The following TACC2 variants were observed in gnomAD, a reference collection of about 807,000 sequenced individuals.
The protein encoded by TACC2 is transforming acidic coiled-coil containing protein 2.
Under a neutral mutation model 227.3 loss-of-function variants are expected in TACC2, and 137 were observed. The ratio of observed to expected loss-of-function variants is 0.60; its 90% confidence interval spans 0.52 to 0.69. TACC2 has a LOEUF of 0.69. Ranked by LOEUF, TACC2 falls within the 30% of genes least tolerant of loss-of-function variation. The probability of loss-of-function intolerance (pLI) is 0.00; values close to 1 mark genes in which losing one functional copy is unlikely to be tolerated. For missense variants in TACC2, 3,470 were observed against 3,694.4 expected (o/e 0.94, Z 1.57); for synonymous variants, 1,523 against 1,487.5 (o/e 1.02, Z -0.55).
intron 5 of TACC2, among the ~76,000 whole-genome samples, chr10:122,113,515 A>G (rs1484417661): frequency 2.0e-5 from 3 of 152,016 alleles, no homozygotes; most frequent in Non-Finnish European, 2.9e-5. Context: ...GGCGCGCGCC[A>G]GTGGCTGGGA....
rs750135495 is a variant in TACC2 at position 122,085,719 on chromosome 10, C to T, written c.3219C>T (p.Thr1073=). The T allele has an allele frequency of 3.1e-6, 5 of 1,613,836 alleles. No homozygotes were observed. Among genetic ancestry groups the T allele is most frequent in the Non-Finnish European group, 4.2e-6 (5 of 1,180,008 alleles). The change falls in exon 4 of 23, where the codon ACC becomes ACT. Residue 1073 remains threonine, a synonymous_variant. Transcript: ENST00000369005. The part of the protein sequence containing the change: ...LAPASPGVTP[T]QDAPETEACD... ...CCGCCAGCCCCGGAGTCACACCCAC[C>T]CAGGATGCCCCAGAGACAGAGGCAT...
chr10:122,218,337 T>C (rs1052961293), intron 11 of TACC2, among the ~76,000 whole-genome samples: 1 of 152,176 alleles, frequency 6.6e-6, no homozygotes, highest in Non-Finnish European at 1.5e-5. Flanking sequence ...AATAAGAGAC[T>C]AAGATCTCCT....
intron 7 of TACC2, among the ~76,000 whole-genome samples, chr10:122,175,654 C>T (rs1207665987): frequency 6.6e-6 from 1 of 152,148 alleles, no homozygotes; most frequent in Non-Finnish European, 1.5e-5. Flanking sequence ...GGAAAGGAAC[C>T]GAAGGTGTAG....
At chr10:122,077,703 C>G (rs2078971214) in intron 3 of TACC2, among the ~76,000 whole-genome samples, 1 of 152,224 alleles carries the variant, frequency 6.6e-6, no homozygotes, top group Non-Finnish European at 1.5e-5. Context: ...GGGAATGCTG[C>G]ACTTGTTCGG....
In TACC2 at chr10:122,025,854, G is replaced by A. The variant is rs368240710; in HGVS notation, c.33+3840G>A. On this transcript the variant is annotated intron_variant, in intron 2 of 22. Coordinates refer to ENST00000369005, the MANE Select transcript of TACC2 (RefSeq NM_206862.4). ...TGCCCAAAGTGCTGGGATTACAGGCGTAAGCCACTGCACCCCGGCCTATTA... is the reference window on the plus strand; with the variant it reads ...TGCCCAAAGTGCTGGGATTACAGGCATAAGCCACTGCACCCCGGCCTATTA... Among the ~76,000 whole-genome samples the A allele has an allele frequency of 6.7e-5, 10 of 148,736 alleles. No homozygotes were observed. The South Asian group carries it at 1.7e-3, about 26-fold the overall frequency.
intron 7 of TACC2, among the ~76,000 whole-genome samples, chr10:122,189,505 G>A (rs2094335151): frequency 6.6e-6 from 1 of 152,114 alleles, no homozygotes; most frequent in African/African-American, 2.4e-5. Context: ...AAAAAGAGGT[G>A]GGAGGAGGAG....
intron 1 of TACC2, among the ~76,000 whole-genome samples, chr10:122,017,742 T>C (rs1956838482): frequency 7.2e-6 from 1 of 138,808 alleles, no homozygotes; most frequent in African/African-American, 2.8e-5. Context: ...GCTTGAACCC[T>C]AGAGGCAGAG....
chr10:122,237,374 T>G, intron 16 of TACC2, 21 bp from the exon 17 acceptor site: 1 of 1,589,518 alleles, frequency 6.3e-7, no homozygotes, highest in Non-Finnish European at 8.6e-7. Context: ...GTTTTTTTTT[T>G]AATTAAAAAC....
intron 7 of TACC2, chr10:122,192,497 C>T: frequency 2.8e-6 from 1 of 354,236 alleles, no homozygotes; most frequent in Non-Finnish European, 5.6e-6. Flanking sequence ...TCAGGCTTTC[C>T]TCGAATCTCT....
At chr10:122,122,320 A>G (rs936537909) in intron 5 of TACC2, among the ~76,000 whole-genome samples, 1 of 152,054 alleles carries the variant, frequency 6.6e-6, no homozygotes, top group African/African-American at 2.4e-5. Flanking sequence ...GTGCCACTGT[A>G]CTCCAGCCGG....
chr10:122,248,865 C>G, intron 20 of TACC2, 62 bp downstream of exon 20: 1 of 1,600,350 alleles, frequency 6.2e-7, no homozygotes. Context: ...TGTGGGAGCA[C>G]TGGGAGGGGG....
At chr10:122,025,571 A>G (rs1565098239) in intron 2 of TACC2, among the ~76,000 whole-genome samples, 1 of 91,230 alleles carries the variant, frequency 1.1e-5, no homozygotes, top group East Asian at 4.3e-4. Flanking sequence ...TATTATTTTT[A>G]TTTATTTTAT....
intron 5 of TACC2, among the ~76,000 whole-genome samples, chr10:122,113,593 G>A (rs1051205575): frequency 6.6e-6 from 1 of 152,090 alleles, no homozygotes; most frequent in African/African-American, 2.4e-5. Context: ...TCCCTGCCAG[G>A]GTTGGGGTCC....
chr10:122,232,740 A>T (rs1564751424), intron 16 of TACC2, among the ~76,000 whole-genome samples: 1 of 152,200 alleles, frequency 6.6e-6, no homozygotes, highest in Non-Finnish European at 1.5e-5. Flanking sequence ...CCTGACCTCA[A>T]GTTGGTCCCT....
chr10:122,033,869 G>A (rs1302355320), intron 2 of TACC2, among the ~76,000 whole-genome samples: 1 of 152,010 alleles, frequency 6.6e-6, no homozygotes, highest in Non-Finnish European at 1.5e-5. Flanking sequence ...AAAAAAGAGT[G>A]GGCCAAGTGC....
Position 122,050,510 on chromosome 10 carries a change from C to G in TACC2, c.106C>G (p.Gln36Glu). ...GNSQNIKRKQ[Q>E]DTPGSPDHRD... Reference sequence around the variant, plus strand: ...CAGTCAGAATATAAAAAGGAAGCAGCAGGACACGCCCGGAAGCCCTGACCA... The same window carrying G: ...CAGTCAGAATATAAAAAGGAAGCAGGAGGACACGCCCGGAAGCCCTGACCA... The change falls in exon 3 of 23, where the codon CAG becomes GAG. Residue 36 changes from glutamine (Q) to glutamate (E), a missense_variant. Physicochemically the swap from Gln to Glu is conservative, Grantham distance 29. This residue lies in a region of TACC2 where 405 missense variants were observed against 389.6 expected (regional missense o/e 1.04). Transcript: ENST00000369005. This position sits in a 1 kb window ranked among gnomAD's most constrained non-coding sequence, Gnocchi z 4.6. 1 of 1,614,100 alleles carries G rather than the reference C, an allele frequency of 6.2e-7. No individual in the cohort carries two copies. Among genetic ancestry groups the G allele is most frequent in the South Asian group, 1.1e-5 (1 of 91,072 alleles).
chr10:122,227,955 C>G lies in TACC2; in HGVS notation c.7843C>G (p.Gln2615Glu). 6.2e-7 allele frequency: 1 copy of G among 1,614,206 alleles called. No individual in the cohort carries two copies. Among genetic ancestry groups the G allele is most frequent in the East Asian group, 2.2e-5 (1 of 44,890 alleles). The change falls in exon 14 of 23, where the codon CAG becomes GAG. Residue 2615 changes from glutamine to glutamate, a missense_variant. Physicochemically the swap from Gln to Glu is conservative, Grantham distance 29. Around this residue, in one of 10 missense-constraint regions of TACC2, gnomAD observed 345 missense variants for 354.4 expected, o/e 0.97. Transcript: ENST00000369005. Reference protein sequence around the residue: ...SHLQVPEKSSQKELEAMGLGT... With the variant: ...SHLQVPEKSSEKELEAMGLGT... Reference sequence around the variant, plus strand: ...CTTGCAGGTGCCAGAGAAATCCTCCCAGAAGGAGCTGGAGGCCATGGGCTT... The same window carrying G: ...CTTGCAGGTGCCAGAGAAATCCTCCGAGAAGGAGCTGGAGGCCATGGGCTT...
Position 122,216,662 on chromosome 10 carries a change from A to G in TACC2, c.7380A>G (p.Pro2460=). The part of the protein sequence containing the change: ...PTPAATPETP[P]VISAVVHATD... Reference sequence around the variant, plus strand: ...CAGCTGCTACACCAGAAACACCACCAGTGATCTCTGCGGTGGTCCACGCCA... The same window carrying G: ...CAGCTGCTACACCAGAAACACCACCGGTGATCTCTGCGGTGGTCCACGCCA... Residue 2460 remains proline, a synonymous_variant, in exon 11 of 23, where the codon CCA becomes CCG. Coordinates refer to ENST00000369005, the MANE Select transcript of TACC2 (RefSeq NM_206862.4). 6.2e-7 allele frequency: 1 copy of G among 1,613,984 alleles called. No homozygotes were observed. The highest frequency in any genetic ancestry group is 8.5e-7 in the Non-Finnish European group (1 of 1,179,986).
At chr10:122,192,282 G>A (rs1238929271) in intron 7 of TACC2, among the ~76,000 whole-genome samples, 2 of 152,226 alleles carry the variant, frequency 1.3e-5, no homozygotes, top group Non-Finnish European at 2.9e-5. Context: ...CAGGGCGATC[G>A]TGAACGGCGG....
Sources: allele counts gnomAD v4.1 joint callset (sites outside exome capture counted in the v4.1 genomes callset), GRCh38; gene constraint gnomAD v4.1.1; regional missense constraint gnomAD v4.1.1; non-coding constraint Gnocchi (gnomAD v3.1); transcripts MANE v1.5; gene names NCBI Gene and HGNC (gene_info 2026-07-23, HGNC 2026-07-21).